UNC5CL: variants seen among roughly 807,000 people sequenced by gnomAD.
UNC5CL encodes unc-5 family C-terminal like.
Under a neutral mutation model 54.1 loss-of-function variants are expected in UNC5CL, and 42 were observed. The ratio of observed to expected loss-of-function variants is 0.78; its 90% CI spans 0.61 to 1.00. The LOEUF (loss-of-function observed/expected upper bound fraction) is 1.00. Among genes scored for constraint, UNC5CL ranks in the 50% least tolerant of loss-of-function variants. The pLI is 0.00. For missense variants in UNC5CL, 619 were observed against 675.6 expected, an observed-to-expected ratio of 0.92 and a Z score of 0.93; for synonymous variants, 285 against 285.1, an observed-to-expected ratio of 1.00 and a Z score of 0.00.
intron 8 of UNC5CL, 32 bp downstream of exon 8, chr6:41,030,356 C>T: frequency 6.2e-7 from 1 of 1,608,684 alleles, no homozygotes; most frequent in Non-Finnish European, 8.5e-7. Flanking sequence ...CCACCCTCCT[C>T]TACCATCCAC....
At position 41,033,967 on chromosome 6, in the gene UNC5CL, C is replaced by G. The variant is rs764439863; in HGVS notation, c.600G>C (p.Leu200=). 1 of 1,614,152 alleles carries G rather than the reference C, an allele frequency of 6.2e-7. No individual in the cohort carries two copies. The highest frequency in any genetic ancestry group is 1.7e-5 in the Admixed American group (1 of 60,020). Residue 200 remains leucine (L), a synonymous_variant, in exon 3 of 9, where the codon CTG becomes CTC. Coordinates refer to ENST00000244565, the MANE Select transcript of UNC5CL (RefSeq NM_173561.3). ...HARTYSSNTT[L]LDAKVWRPLG... ...GGGGCCTCCATACCTTGGCATCCAGCAGGGTAGTGTTGCTGCTGTAGGTGC... is the reference window on the plus strand; with the variant it reads ...GGGGCCTCCATACCTTGGCATCCAGGAGGGTAGTGTTGCTGCTGTAGGTGC...
intron 1 of UNC5CL, 22 bp from the exon 2 acceptor site, chr6:41,035,157 G>A: frequency 6.7e-7 from 1 of 1,490,720 alleles, no homozygotes; most frequent in Non-Finnish European, 8.9e-7. Flanking sequence ...GAAGGGGTCA[G>A]TGTCAGGGTA....
chr6:41,035,549 G>A (rs1762514019), intron 1 of UNC5CL, among the ~76,000 whole-genome samples: 1 of 152,258 alleles, frequency 6.6e-6, no homozygotes, highest in African/African-American at 2.4e-5. Flanking sequence ...GCAGAGTATA[G>A]CAGCAGCAGA....
Position 41,031,671 on chromosome 6 carries a change from T to C in UNC5CL, c.1119+10A>G. 1.2e-6 allele frequency: 2 copies of C among 1,614,070 alleles called. No homozygotes were observed. The highest frequency in any genetic ancestry group is 2.2e-5 in the South Asian group (2 of 91,082). On this transcript the variant is annotated intron_variant, in intron 6 of 8. Coordinates refer to ENST00000244565, the MANE Select transcript of UNC5CL (RefSeq NM_173561.3). Reference sequence around the variant, plus strand: ...CCCTGCCCTTCCTCTGCCCCTCAGCTCCAACTCACATCCTGGAAGGTGTGC... The same window carrying C: ...CCCTGCCCTTCCTCTGCCCCTCAGCCCCAACTCACATCCTGGAAGGTGTGC...
Position 41,033,948 on chromosome 6 carries a change from T to A in UNC5CL, c.619A>T (p.Arg207Trp), listed in dbSNP as rs772568558. The change falls in exon 3 of 9, where the codon AGG becomes TGG. Residue 207 changes from arginine (R) to tryptophan (W), a missense_variant. Coordinates refer to ENST00000244565, the MANE Select transcript of UNC5CL (RefSeq NM_173561.3). ...NTTLLDAKVW[R>W]PLGRPGAHAS... is the part of the protein sequence containing the mutation. ...TGGGCCCCCGGCCGCCCCAGGGGCC[T>A]CCATACCTTGGCATCCAGCAGGGTA... is the stretch of plus-strand genomic sequence containing the variant. 6.2e-7 allele frequency: 1 copy of A among 1,614,084 alleles called. No homozygotes were observed. Among genetic ancestry groups the A allele is most frequent in the Non-Finnish European group, 8.5e-7 (1 of 1,179,964 alleles).
Position 41,028,580 on chromosome 6 carries a change from CT to C in UNC5CL, c.1349del (p.Gln450ArgfsTer26), listed in dbSNP as rs758363157. The C allele has an allele frequency of 9.9e-6, 16 of 1,613,390 alleles. No homozygotes were observed. In the East Asian group the frequency reaches 3.6e-4, roughly 36 times the overall value. Reference protein sequence around the residue: ...CGMKIRFLSCQRSPAAAILEL... With the variant: ...CGMKIRFLSCXRSPAAAILEL... ...CCAGGATGGCCGCTGCGGGGCTGCG[CT>C]GGCAGGACAGGAACCTGGCCCGAGG... is the stretch of plus-strand genomic sequence containing the variant. On this transcript the variant is annotated frameshift_variant, in exon 9 of 9. Transcript: ENST00000244565. LOFTEE classifies it high-confidence loss of function. The surrounding 1 kb of genome is among the most constrained non-coding windows in gnomAD (Gnocchi z 4.3).
rs1483366794 is a variant in UNC5CL at position 41,034,138 on chromosome 6, C to T, written c.429G>A (p.Leu143=). 1.9e-6 allele frequency: 3 copies of T among 1,613,198 alleles called. No homozygotes were observed. The highest frequency in any genetic ancestry group is 2.5e-6 in the Non-Finnish European group (3 of 1,179,586). Residue 143 remains leucine (L), a synonymous_variant, in exon 3 of 9, where the codon CTG becomes CTA. Coordinates refer to ENST00000244565, the MANE Select transcript of UNC5CL (RefSeq NM_173561.3). ...VGRQERVSLI[L]VWDLSDAPSL... ...ATGGGGCGTCCGACAGGTCCCACAC[C>T]AGGATCAAAGACACCCGCTCCTGGC... is the stretch of plus-strand genomic sequence containing the variant.
chr6:41,033,184 G>A, intron 3 of UNC5CL, 38 bp from the exon 4 acceptor site: 2 of 1,595,434 alleles, frequency 1.3e-6, no homozygotes, highest in Non-Finnish European at 1.7e-6. Context: ...AATGTGCAGG[G>A]AAGGCTAAGA....
chr6:41,027,735 C>T lies in UNC5CL; in HGVS notation c.*638G>A, dbSNP rs1462590487. ...GGCTCCTACCTTAAGTCCAGCCACC[C>T]TCTTCCCCTACCCGCCCCTAAAGAT... is the stretch of plus-strand genomic sequence containing the variant. On this transcript the variant is annotated 3_prime_UTR_variant, in exon 9 of 9. Transcript: ENST00000244565. The T allele has an allele frequency of 1.3e-5, 2 of 152,230 alleles. No homozygotes were observed. The highest frequency in any genetic ancestry group is 2.9e-5 in the Non-Finnish European group (2 of 68,078). 9.4% of individuals were successfully genotyped at this position (152,230 alleles called of 1,614,324 possible).
At chr6:41,037,149 G>A (rs1439040863) in intron 1 of UNC5CL, among the ~76,000 whole-genome samples, 5 of 152,152 alleles carry the variant, frequency 3.3e-5, no homozygotes, top group Admixed American at 1.3e-4. Flanking sequence ...TCCAGCTCGC[G>A]AAATCTCTCT....
At position 41,032,916 on chromosome 6, in the gene UNC5CL, T is replaced by A. The variant is rs1489003366; in HGVS notation, c.917A>T (p.Asp306Val). ...QLFDFNGARGDQCLKLTYISE... is the reference protein window; with the variant it reads ...QLFDFNGARGVQCLKLTYISE... Reference sequence around the variant, plus strand: ...GATGTACGTGAGCTTCAGGCACTGGTCGCCCCTAGCCCCATTGAAGTCGAA... The same window carrying A: ...GATGTACGTGAGCTTCAGGCACTGGACGCCCCTAGCCCCATTGAAGTCGAA... Residue 306 changes from aspartate (D) to valine (V), a missense_variant, in exon 4 of 9, where the codon GAC (aspartate) becomes GTC (valine). Transcript: ENST00000244565. 1 of 1,605,428 alleles carries A rather than the reference T, an allele frequency of 6.2e-7. No individual in the cohort carries two copies. The highest frequency in any genetic ancestry group is 8.5e-7 in the Non-Finnish European group (1 of 1,175,948).
chr6:41,028,463 G>C lies in UNC5CL; in HGVS notation c.1467C>G (p.Asn489Lys), dbSNP rs1271134230. Residue 489 changes from asparagine (N) to lysine (K), a missense_variant, in exon 9 of 9, where the codon AAC becomes AAG. By Grantham distance (94) the Asn-to-Lys change is moderately conservative. Coordinates refer to ENST00000244565, the MANE Select transcript of UNC5CL (RefSeq NM_173561.3). This position sits in a 1 kb window ranked among gnomAD's most constrained non-coding sequence, Gnocchi z 4.3. Reference sequence around the variant, plus strand: ...TGCCGCCGTGTGTCCCACTCAGGTAGTTCTGGATGGCGGAGGCGCAGTCTA... The same window carrying C: ...TGCCGCCGTGTGTCCCACTCAGGTACTTCTGGATGGCGGAGGCGCAGTCTA... ...ERLDCASAIQ[N>K]YLSGTHGGSP... The C allele has an allele frequency of 2.5e-6, 4 of 1,613,738 alleles. No homozygotes were observed. The highest frequency in any genetic ancestry group is 3.4e-6 in the Non-Finnish European group (4 of 1,179,992).
chr6:41,030,191 T>C (rs1762436695), intron 8 of UNC5CL, among the ~76,000 whole-genome samples, 197 bp downstream of exon 8: 1 of 152,236 alleles, frequency 6.6e-6, no homozygotes, highest in Non-Finnish European at 1.5e-5. Context: ...GCACCTACTA[T>C]GCACCAGGCA....
chr6:41,030,393 C>T lies in UNC5CL; in HGVS notation c.1329G>A (p.Lys443=). 6.2e-7 allele frequency: 1 copy of T among 1,614,040 alleles called. No individual in the cohort carries two copies. Among genetic ancestry groups the T allele is most frequent in the Non-Finnish European group, 8.5e-7 (1 of 1,179,920 alleles). Residue 443 remains lysine (K), a synonymous_variant, in exon 8 of 9, where the codon AAG becomes AAA. Transcript: ENST00000244565. ...LASHLGLCGM[K]IRFLSCQRSP... Reference sequence around the variant, plus strand: ...GACCTCACCCCTCTTCCTACCGGATCTTCATGCCGCAAAGCCCCAGGTGGG... The same window carrying T: ...GACCTCACCCCTCTTCCTACCGGATTTTCATGCCGCAAAGCCCCAGGTGGG...
rs767192313 is a variant in UNC5CL, at chr6:41,030,656, T to C, written c.1219A>G (p.Arg407Gly). ...CAGCCCAAGCAACCCCCGTCTCACC[T>C]ATTGCATGGGGGCGGCTGGGAAACA... The part of the protein sequence containing the change: ...PPVSQPPPCN[R>G]LPPELFEQLR... The change falls in exon 7 of 9, where the codon AGG (arginine) becomes GGG (glycine). Residue 407 changes from arginine (R) to glycine (G), a missense_variant and splice_region_variant. Physicochemically the swap from Arg to Gly is moderately radical, Grantham distance 125. Transcript: ENST00000244565. 1.2e-6 allele frequency: 2 copies of C among 1,613,974 alleles called. No individual in the cohort carries two copies. The highest frequency in any genetic ancestry group is 1.7e-6 in the Non-Finnish European group (2 of 1,180,002).
rs749625202 is a variant in UNC5CL at position 41,033,092 on chromosome 6, C to A, written c.741G>T (p.Leu247=). The change falls in exon 4 of 9, where the codon CTG becomes CTT. Residue 247 remains leucine (L), a synonymous_variant. Transcript: ENST00000244565. ...GCGGTGAGCAGAATACGGCCAGCTG[C>A]AGCCATTTGCGGGCTTCGCGCCCCA... The part of the protein sequence containing the change: ...APVGREARKW[L]QLAVFCSPLV... 1 of 1,612,678 alleles carries A rather than the reference C, an allele frequency of 6.2e-7. No individual in the cohort carries two copies. Among genetic ancestry groups the A allele is most frequent in the Non-Finnish European group, 8.5e-7 (1 of 1,179,556 alleles).
At position 41,028,420 on chromosome 6, in the gene UNC5CL, C is replaced by G. The variant is rs200288480; in HGVS notation, c.1510G>C (p.Gly504Arg). The change falls in exon 9 of 9, where the codon GGG (glycine) becomes CGG (arginine). Residue 504 changes from glycine (G) to arginine (R), a missense_variant. Gly to Arg is a moderately radical substitution (Grantham distance 125). Transcript: ENST00000244565. The surrounding 1 kb of genome is among the most constrained non-coding windows in gnomAD (Gnocchi z 4.3). ...AGGCCCTGGTTATCCCGGGCGCCCC[C>G]GCGCTCGGGGCCTGGGCTGCCGCCG... Reference protein sequence around the residue: ...THGGSPGPERGGARDNQGLEL... With the variant: ...THGGSPGPERRGARDNQGLEL... 212 of 1,610,904 alleles carry G rather than the reference C, an allele frequency of 1.3e-4. 2 individuals carry two copies. The South Asian group carries it at 2.2e-3, about 17-fold the overall frequency.
At position 41,034,835 on chromosome 6, in the gene UNC5CL, G is replaced by A; in HGVS notation, c.240C>T (p.Tyr80=). Residue 80 remains tyrosine (Y), a synonymous_variant, in exon 2 of 9, where the codon TAC becomes TAT. Coordinates refer to ENST00000244565, the MANE Select transcript of UNC5CL (RefSeq NM_173561.3). ...PATLPEMVAF[Y]QELHTPTQGQ... is the part of the protein sequence containing the mutation. Reference sequence around the variant, plus strand: ...CTTGAGTGGGTGTGTGTAGCTCCTGGTAGAAGGCAACCATCTCTGGCAGTG... The same window carrying A: ...CTTGAGTGGGTGTGTGTAGCTCCTGATAGAAGGCAACCATCTCTGGCAGTG... The A allele has an allele frequency of 6.2e-7, 1 of 1,614,238 alleles. No individual in the cohort carries two copies. The highest frequency in any genetic ancestry group is 8.5e-7 in the Non-Finnish European group (1 of 1,180,052).
Position 41,028,054 on chromosome 6 carries a change from A to C in UNC5CL, c.*319T>G. ...TTCCTAAGTGCTCAGTGAATACTTT[A>C]GGGCCTGACCGGCCCTAAAGTGCAC... is the stretch of plus-strand genomic sequence containing the variant. On this transcript the variant is annotated 3_prime_UTR_variant, in exon 9 of 9. Coordinates refer to ENST00000244565, the MANE Select transcript of UNC5CL (RefSeq NM_173561.3). This position sits in a 1 kb window ranked among gnomAD's most constrained non-coding sequence, Gnocchi z 4.3. 2.8e-6 allele frequency: 1 copy of C among 363,278 alleles called. No homozygotes were observed. The highest frequency in any genetic ancestry group is 5.0e-6 in the Non-Finnish European group (1 of 199,092). The allele number at this position is 363,278 out of a possible 1,614,324, so 22.5% of individuals were successfully genotyped here. A position where few individuals can be genotyped will look rare whatever the true frequency, so the allele number is the denominator to read the frequency against.
Sources: allele counts gnomAD v4.1 joint callset (sites outside exome capture counted in the v4.1 genomes callset), GRCh38; gene constraint gnomAD v4.1.1; non-coding constraint Gnocchi (gnomAD v3.1); transcripts MANE v1.5; gene names NCBI Gene and HGNC (gene_info 2026-07-23, HGNC 2026-07-21).